The following CHST11 variants were observed in gnomAD, a reference collection of about 807,000 sequenced individuals.
CHST11 encodes C4S-1.
Under a neutral mutation model 30.4 loss-of-function variants are expected in CHST11, and 9 were observed. That is an observed-to-expected ratio of 0.30 (90% CI 0.18 to 0.52). The LOEUF (loss-of-function observed/expected upper bound fraction) is 0.52. Among genes scored for constraint, CHST11 ranks in the 20% least tolerant of loss-of-function variants. The probability of loss-of-function intolerance (pLI) is 0.97; values close to 1 mark genes in which losing one functional copy is unlikely to be tolerated. For missense variants in CHST11, 348 were observed against 460.6 expected (o/e 0.76, Z 2.24); for synonymous variants, 152 against 187.8 (o/e 0.81, Z 1.56).
intron 2 of CHST11, among the ~76,000 whole-genome samples, chr12:104,733,311 C>T (rs1279917691): frequency 1.3e-5 from 2 of 152,218 alleles, no homozygotes; most frequent in Admixed American, 1.3e-4. Flanking sequence ...CAAGATTTCC[C>T]CATGGCATGG....
chr12:104,633,285 T>G (rs2039289178), intron 2 of CHST11, among the ~76,000 whole-genome samples: 1 of 152,156 alleles, frequency 6.6e-6, no homozygotes, highest in Non-Finnish European at 1.5e-5. Context: ...TGCCTCCTAT[T>G]AAGCAATTAA....
At chr12:104,545,617 G>A (rs1019058433) in intron 1 of CHST11, among the ~76,000 whole-genome samples, 2 of 152,156 alleles carry the variant, frequency 1.3e-5, no homozygotes, top group African/African-American at 4.8e-5. Flanking sequence ...GGTCAGCTCA[G>A]GCTGCTGTAA....
intron 2 of CHST11, among the ~76,000 whole-genome samples, chr12:104,700,232 T>C (rs745939857): frequency 5.3e-5 from 8 of 152,172 alleles, no homozygotes; most frequent in Non-Finnish European, 1.2e-4. Context: ...AGTAATACAC[T>C]GGGGGTGTCG....
At chr12:104,721,409 G>A (rs189876641) in intron 2 of CHST11, among the ~76,000 whole-genome samples, 3 of 152,344 alleles carry the variant, frequency 2.0e-5, no homozygotes, top group Admixed American at 6.5e-5. Flanking sequence ...GTCTCTGACC[G>A]TCTGTGCCAC....
chr12:104,745,065 G>T (rs999603734), intron 2 of CHST11, among the ~76,000 whole-genome samples: 2 of 152,034 alleles, frequency 1.3e-5, no homozygotes, highest in Non-Finnish European at 2.9e-5. Flanking sequence ...GTAAAGACCG[G>T]GTTTCGCCGT....
intron 2 of CHST11, among the ~76,000 whole-genome samples, chr12:104,668,956 C>A (rs1447946265): frequency 1.3e-5 from 2 of 151,704 alleles, no homozygotes; most frequent in African/African-American, 4.8e-5. Flanking sequence ...AGGAACACGG[C>A]CCCCAGGCAA....
chr12:104,653,765 C>T (rs980552597), intron 2 of CHST11, among the ~76,000 whole-genome samples: 2 of 152,096 alleles, frequency 1.3e-5, no homozygotes, highest in Admixed American at 6.5e-5. Flanking sequence ...CAGTGAGGAA[C>T]GGAGGCTCGA....
chr12:104,550,529 A>G (rs2038395066), intron 1 of CHST11, among the ~76,000 whole-genome samples: 1 of 152,214 alleles, frequency 6.6e-6, no homozygotes, highest in African/African-American at 2.4e-5. Flanking sequence ...CATAGGCAAT[A>G]AGTACACAAA....
intron 1 of CHST11, among the ~76,000 whole-genome samples, chr12:104,459,535 T>TA (rs1226986430): frequency 6.6e-6 from 1 of 152,204 alleles, no homozygotes; most frequent in African/African-American, 2.4e-5. Context: ...CCCAGGGAAA[T>TA]ACAATTGTCA....
At chr12:104,566,625 CT>C (rs765735552) in intron 1 of CHST11, among the ~76,000 whole-genome samples, 18 of 152,180 alleles carry the variant, frequency 1.2e-4, no homozygotes, top group Non-Finnish European at 2.2e-4. Context: ...CCTTTTTCCT[CT>C]CTTTGCAGCA....
chr12:104,653,540 G>T lies in CHST11; in HGVS notation c.204+51549G>T, dbSNP rs1314882039. ...TATGAGTGAATCCGAGTACCTGAGAGGAAAGAAAACAAACGCCGTCTCCCA... is the reference window on the plus strand; with the variant it reads ...TATGAGTGAATCCGAGTACCTGAGATGAAAGAAAACAAACGCCGTCTCCCA... On this transcript the variant is annotated intron_variant, in intron 2 of 2. Coordinates refer to ENST00000303694, the MANE Select transcript of CHST11 (RefSeq NM_018413.6). 2.0e-5 allele frequency among the ~76,000 whole-genome samples: 3 copies of T among 152,248 alleles called. No individual in the cohort carries two copies. The South Asian group carries it at 6.2e-4, about 32-fold the overall frequency.
At chr12:104,551,671 A>G (rs2038406422) in intron 1 of CHST11, among the ~76,000 whole-genome samples, 1 of 152,154 alleles carries the variant, frequency 6.6e-6, no homozygotes, top group Non-Finnish European at 1.5e-5. Context: ...AAGGGTGGGG[A>G]GGCCTAACAA....
intron 1 of CHST11, among the ~76,000 whole-genome samples, chr12:104,471,411 A>T (rs2037508209): frequency 6.6e-6 from 1 of 152,162 alleles, no homozygotes; most frequent in African/African-American, 2.4e-5. Context: ...TTTCATTTTG[A>T]TTCTATGGTG....
chr12:104,747,686 A>C (rs1358741145), intron 2 of CHST11, among the ~76,000 whole-genome samples: 1 of 152,144 alleles, frequency 6.6e-6, no homozygotes, highest in African/African-American at 2.4e-5. Flanking sequence ...AAGTGGAGAA[A>C]CTGAGGCTAG....
chr12:104,467,981 T>A (rs572174969), intron 1 of CHST11, among the ~76,000 whole-genome samples: 2 of 152,368 alleles, frequency 1.3e-5, no homozygotes, highest in African/African-American at 4.8e-5. Flanking sequence ...GTTAAATGCT[T>A]ACTAAGAGTT....
chr12:104,490,139 C>T (rs1432927477), intron 1 of CHST11, among the ~76,000 whole-genome samples: 1 of 152,228 alleles, frequency 6.6e-6, no homozygotes, highest in Non-Finnish European at 1.5e-5. Flanking sequence ...TGTCTGTGCA[C>T]AGACCAGGTG....
chr12:104,670,827 A>G (rs1566031601), intron 2 of CHST11, among the ~76,000 whole-genome samples: 1 of 151,192 alleles, frequency 6.6e-6, no homozygotes, highest in Non-Finnish European at 1.5e-5. Flanking sequence ...CCACACATAC[A>G]TTCTCACACA....
At chr12:104,482,819 C>T (rs1487864280) in intron 1 of CHST11, among the ~76,000 whole-genome samples, 3 of 152,138 alleles carry the variant, frequency 2.0e-5, no homozygotes, top group African/African-American at 7.2e-5. Context: ...TGTGCATCCC[C>T]CCACTTAAGA....
intron 2 of CHST11, among the ~76,000 whole-genome samples, chr12:104,717,916 C>T (rs2040144189): frequency 6.6e-6 from 1 of 152,128 alleles, no homozygotes; most frequent in Non-Finnish European, 1.5e-5. Flanking sequence ...TGCCACTGCA[C>T]TCCAGCCTGG....
Sources: allele counts gnomAD v4.1 joint callset (sites outside exome capture counted in the v4.1 genomes callset), GRCh38; gene constraint gnomAD v4.1.1; transcripts MANE v1.5; gene names NCBI Gene and HGNC (gene_info 2026-07-23, HGNC 2026-07-21).